The following RGL1 variants were observed in gnomAD, a reference collection of about 807,000 sequenced individuals.
The protein encoded by RGL1 is ral guanine nucleotide dissociation stimulator-like 1.
Under a neutral mutation model 95.2 loss-of-function variants are expected in RGL1, and 24 were observed. The observed-to-expected ratio is 0.25, with a 90% CI of 0.18 to 0.35. RGL1 has a LOEUF of 0.35. Among genes scored for constraint, RGL1 ranks in the 10% least tolerant of loss-of-function variants. The probability of loss-of-function intolerance (pLI) is 1.00; values close to 1 mark genes in which losing one functional copy is unlikely to be tolerated. For synonymous variants in RGL1, 329 were observed against 344.9 expected, an observed-to-expected ratio of 0.95 and a Z score of 0.51; for missense variants, 715 against 936.3, an observed-to-expected ratio of 0.76 and a Z score of 3.08.
intron 1 of RGL1, among the ~76,000 whole-genome samples, chr1:183,700,134 A>T (rs555195356): frequency 1.3e-5 from 2 of 152,290 alleles, no homozygotes; most frequent in Admixed American, 1.3e-4. Context: ...ACCTGCTCAG[A>T]CCTGACAAAG....
At chr1:183,691,223 T>C (rs1653928894) in intron 1 of RGL1, among the ~76,000 whole-genome samples, 1 of 152,228 alleles carries the variant, frequency 6.6e-6, no homozygotes, top group Non-Finnish European at 1.5e-5. Flanking sequence ...TTGCCATAGA[T>C]GCGGATTCTT....
chr1:183,648,174 C>T (rs1650445946), intron 1 of RGL1: 1 of 1,614,204 alleles, frequency 6.2e-7, no homozygotes, highest in Non-Finnish European at 8.5e-7. Flanking sequence ...TGAGACACCA[C>T]TTATAAAGCT....
At chr1:183,778,752 C>T (rs1009844954) in intron 2 of RGL1, among the ~76,000 whole-genome samples, 24 of 152,126 alleles carry the variant, frequency 1.6e-4, no homozygotes, top group African/African-American at 5.8e-4. Flanking sequence ...GGTTTTGGAT[C>T]AAAATATACA....
intron 2 of RGL1, among the ~76,000 whole-genome samples, chr1:183,752,444 C>T (rs1658061597): frequency 6.6e-6 from 1 of 152,212 alleles, no homozygotes; most frequent in Admixed American, 6.5e-5. Context: ...CCAGGATGGT[C>T]TCGATCTCTT....
intron 1 of RGL1, among the ~76,000 whole-genome samples, chr1:183,735,455 T>G (rs1656881570): frequency 6.6e-6 from 1 of 152,160 alleles, no homozygotes; most frequent in Non-Finnish European, 1.5e-5. Flanking sequence ...TGTAAAAAAT[T>G]GAAGCAGTGT....
Position 183,829,439 on chromosome 1 carries a change from TA to T in RGL1, c.139-18110del, listed in dbSNP as rs748047870. Among the ~76,000 whole-genome samples, 982 of 132,698 alleles carry T rather than the reference TA, an allele frequency of 7.4e-3. 1 individual carries two copies. Among genetic ancestry groups the T allele is most frequent in the Non-Finnish European group, 7.3e-3 (447 of 60,880 alleles). The allele number at this position is 132,698 out of a possible 152,430, so 87.1% of individuals were successfully genotyped here. On this transcript the variant is annotated intron_variant, in intron 2 of 17. Coordinates refer to ENST00000360851, the MANE Select transcript of RGL1 (RefSeq NM_001297671.3). ...CTAGGCGACAGAACAAGACCCTGCTTAAAAAAAAAAAAAAAAAGTAGATCGT... is the reference window on the plus strand; with the variant it reads ...CTAGGCGACAGAACAAGACCCTGCTTAAAAAAAAAAAAAAAAGTAGATCGT...
chr1:183,922,764 T>C (rs749513323), intron 17 of RGL1, among the ~76,000 whole-genome samples: 5 of 152,242 alleles, frequency 3.3e-5, no homozygotes, highest in Non-Finnish European at 7.3e-5. Flanking sequence ...TTTCTCATCA[T>C]TTCAATTAAT....
At chr1:183,674,749 C>G (rs1652706008) in intron 1 of RGL1, among the ~76,000 whole-genome samples, 1 of 152,188 alleles carries the variant, frequency 6.6e-6, no homozygotes, top group South Asian at 2.1e-4. Context: ...AGTGAGCCCA[C>G]AGAAATGATA....
rs1030366114 is a variant in RGL1, at chr1:183,752,364, C to T, written c.132+10075C>T. Reference sequence around the variant, plus strand: ...GCCTCAGCCTCCTGAGTAGCTGGGACTACAGGTGCACGCCACCACGCCCAG... The same window carrying T: ...GCCTCAGCCTCCTGAGTAGCTGGGATTACAGGTGCACGCCACCACGCCCAG... On this transcript the variant is annotated intron_variant, in intron 2 of 18. Transcript: ENST00000304685. Among the ~76,000 whole-genome samples the T allele has an allele frequency of 2.0e-5, 3 of 151,938 alleles. No homozygotes were observed. The South Asian group carries it at 6.2e-4, about 32-fold the overall frequency.
intron 2 of RGL1, among the ~76,000 whole-genome samples, chr1:183,807,216 C>T (rs1055214428): frequency 5.9e-5 from 9 of 152,082 alleles, no homozygotes; most frequent in Non-Finnish European, 1.3e-4. Flanking sequence ...ACTACTTGGG[C>T]AAATGTCAAA....
At chr1:183,798,358 T>C (rs373666174) in intron 2 of RGL1, among the ~76,000 whole-genome samples, 32 of 152,276 alleles carry the variant, frequency 2.1e-4, no homozygotes, top group African/African-American at 7.2e-4. Flanking sequence ...AACAACTTTA[T>C]TGAGGTATGA....
intron 1 of RGL1, among the ~76,000 whole-genome samples, chr1:183,655,413 T>C (rs1651085001): frequency 6.6e-6 from 1 of 152,236 alleles, no homozygotes; most frequent in Admixed American, 6.5e-5. Flanking sequence ...TTCATCACTT[T>C]AGTAGCAGTT....
intron 2 of RGL1, among the ~76,000 whole-genome samples, chr1:183,828,700 A>G (rs147947326): frequency 1.1e-4 from 17 of 152,358 alleles, no homozygotes; most frequent in Non-Finnish European, 7.3e-5. Flanking sequence ...CGAATATTAG[A>G]CACAACCAAA....
chr1:183,721,737 G>A (rs1367025949), intron 1 of RGL1, among the ~76,000 whole-genome samples: 2 of 152,112 alleles, frequency 1.3e-5, no homozygotes, highest in Non-Finnish European at 2.9e-5. Flanking sequence ...TTCTTAGCTT[G>A]GAATGTGTTT....
chr1:183,702,980 C>T (rs895012526), intron 1 of RGL1, among the ~76,000 whole-genome samples: 1 of 152,152 alleles, frequency 6.6e-6, no homozygotes, highest in African/African-American at 2.4e-5. Context: ...CTATGCAGTA[C>T]CTGGACAGCA....
intron 4 of RGL1, 49 bp downstream of exon 4, chr1:183,866,122 CTTAAAGTAGT>C (rs1558258346): frequency 7.0e-7 from 1 of 1,436,522 alleles, no homozygotes; most frequent in Admixed American, 1.7e-5. Flanking sequence ...AAGACAATAT[CTTAAAGTAGT>C]TTAGTAGAGT....
At chr1:183,731,422 GATAAA>G (rs1236408780) in intron 1 of RGL1, among the ~76,000 whole-genome samples, 2 of 152,090 alleles carry the variant, frequency 1.3e-5, no homozygotes, top group East Asian at 3.8e-4. Flanking sequence ...TGGAGGAGCT[GATAAA>G]ATAGAATATG....
At chr1:183,648,800 C>T in intron 1 of RGL1, 1 of 1,551,408 alleles carries the variant, frequency 6.4e-7, no homozygotes, top group Non-Finnish European at 8.7e-7. Flanking sequence ...TTACTGTCTT[C>T]TAGCTGCAAA....
intron 1 of RGL1, among the ~76,000 whole-genome samples, chr1:183,693,686 G>A (rs1273623773): frequency 6.6e-6 from 1 of 151,868 alleles, no homozygotes; most frequent in Non-Finnish European, 1.5e-5. Context: ...AGTTGAGCCA[G>A]AATAAAACCA....
Sources: gnomAD v4.1 joint callset for allele counts (sites outside exome capture counted in the v4.1 genomes callset) on GRCh38, gnomAD v4.1.1 for gene constraint, MANE v1.5 for transcripts, NCBI Gene and HGNC (gene_info 2026-07-23, HGNC 2026-07-21) for gene names.